Variants in LHFPL3 observed in about 807,000 individuals in gnomAD.
The protein encoded by LHFPL3 is LHFPL tetraspan subfamily member 3, also known as LHFPL tetraspan subfamily member 3 protein.
A neutral mutation model predicts 19.3 loss-of-function variants in LHFPL3; 5 were observed. That is an observed-to-expected ratio of 0.26 (90% confidence interval 0.14 to 0.54). LHFPL3 has a LOEUF of 0.54. LHFPL3 is among the 20% of genes least tolerant of loss of function. The probability of loss-of-function intolerance (pLI) is 0.94; values close to 1 mark genes in which losing one functional copy is unlikely to be tolerated. For missense variants in LHFPL3, 249 were observed against 307.4 expected (o/e 0.81, Z 1.42); for synonymous variants, 133 against 126.2 (o/e 1.05, Z -0.36).
intron 1 of LHFPL3, among the ~76,000 whole-genome samples, chr7:104,720,517 C>T (rs533466712): frequency 1.3e-5 from 2 of 152,268 alleles, no homozygotes; most frequent in African/African-American, 2.4e-5. Flanking sequence ...AAAGCAATGG[C>T]AACAAAAACC....
intron 2 of LHFPL3, among the ~76,000 whole-genome samples, chr7:104,841,493 G>GGT (rs66894221): frequency 1.6e-4 from 23 of 140,940 alleles, no homozygotes; most frequent in African/African-American, 6.1e-4. Context: ...CATTATGTGG[G>GGT]GTGTGTGTGT....
At chr7:104,818,506 T>A (rs1300076882) in intron 2 of LHFPL3, among the ~76,000 whole-genome samples, 1 of 152,054 alleles carries the variant, frequency 6.6e-6, no homozygotes, top group Non-Finnish European at 1.5e-5. Context: ...GTGCCAAATA[T>A]CTATCTTCTT....
At chr7:104,585,402 C>A (rs900436774) in intron 1 of LHFPL3, among the ~76,000 whole-genome samples, 1 of 151,898 alleles carries the variant, frequency 6.6e-6, no homozygotes, top group Non-Finnish European at 1.5e-5. Flanking sequence ...CCCCTCATCA[C>A]TTTTATCCAC....
chr7:104,422,964 G>A (rs80345777), intron 1 of LHFPL3, among the ~76,000 whole-genome samples: 4,452 of 152,230 alleles, frequency 0.029, 223 homozygotes, highest in East Asian at 0.16. Context: ...CATTGAACAG[G>A]TAATTATTGA....
chr7:104,621,031 A>G (rs1435577413), intron 1 of LHFPL3, among the ~76,000 whole-genome samples: 4 of 152,180 alleles, frequency 2.6e-5, no homozygotes, highest in African/African-American at 4.8e-5. Flanking sequence ...CATTTGTCCA[A>G]TACATTTTCT....
intron 1 of LHFPL3, among the ~76,000 whole-genome samples, chr7:104,375,975 C>A (rs527952916): frequency 6.6e-6 from 1 of 152,294 alleles, no homozygotes; most frequent in African/African-American, 2.4e-5. Context: ...TGGGTTCTAC[C>A]TTTAGACTAC....
chr7:104,783,415 A>G (rs1584532072), intron 2 of LHFPL3, among the ~76,000 whole-genome samples: 2 of 152,320 alleles, frequency 1.3e-5, no homozygotes, highest in Middle Eastern at 3.4e-3. Context: ...TGACTGCTGA[A>G]TCCCCAGCAT....
At chr7:104,790,477 G>GA (rs1790004557) in intron 2 of LHFPL3, among the ~76,000 whole-genome samples, 1 of 151,846 alleles carries the variant, frequency 6.6e-6, no homozygotes, top group Non-Finnish European at 1.5e-5. Flanking sequence ...CTTTTTTTTG[G>GA]TACCATCCAG....
Position 104,595,562 on chromosome 7 carries a change from A to G in LHFPL3, c.446-141113A>G, listed in dbSNP as rs150145709. Among the ~76,000 whole-genome samples, 1,501 of 152,334 alleles carry G rather than the reference A, an allele frequency of 9.9e-3. 28 individuals carry two copies. The highest frequency in any genetic ancestry group is 0.035 in the African/African-American group (1,445 of 41,576). ...CAGTCTTTCCGTTCTCAGAGCTCAA[A>G]CACAGTGCTGGGAGAACCACTGCTC... is the stretch of plus-strand genomic sequence containing the variant. On this transcript the variant is annotated intron_variant, in intron 1 of 2. Coordinates refer to ENST00000424859, the MANE Select transcript of LHFPL3 (RefSeq NM_199000.3).
intron 2 of LHFPL3, among the ~76,000 whole-genome samples, chr7:104,829,817 A>G (rs1790914156): frequency 6.6e-6 from 1 of 151,994 alleles, no homozygotes; most frequent in Non-Finnish European, 1.5e-5. Flanking sequence ...TCATAGCAGC[A>G]TGATTTATAA....
chr7:104,796,618 G>A (rs1328550791), intron 2 of LHFPL3: 1 of 152,456 alleles, frequency 6.6e-6, no homozygotes, highest in Non-Finnish European at 1.5e-5. Flanking sequence ...AATCAGGCAG[G>A]AAGGACATGA....
chr7:104,872,825 T>A (rs949099295), intron 2 of LHFPL3, among the ~76,000 whole-genome samples: 5 of 152,152 alleles, frequency 3.3e-5, no homozygotes, highest in African/African-American at 1.2e-4. Flanking sequence ...TACAGTTAAC[T>A]TTTTTTCAGT....
intron 1 of LHFPL3, among the ~76,000 whole-genome samples, chr7:104,632,746 A>G (rs1791665956): frequency 1.3e-5 from 2 of 152,210 alleles, no homozygotes; most frequent in African/African-American, 4.8e-5. Context: ...TCCCAAGCTC[A>G]GGTGATCCTC....
intron 1 of LHFPL3, among the ~76,000 whole-genome samples, chr7:104,607,192 G>A (rs1791119225): frequency 6.6e-6 from 1 of 152,188 alleles, no homozygotes; most frequent in South Asian, 2.1e-4. Context: ...TCCTTGCTTT[G>A]AGGTTAAATT....
chr7:104,762,051 T>A (rs1239506401), intron 2 of LHFPL3, among the ~76,000 whole-genome samples: 1 of 152,198 alleles, frequency 6.6e-6, no homozygotes, highest in Non-Finnish European at 1.5e-5. Flanking sequence ...TCTGATTCAG[T>A]AGATTCTGCA....
At chr7:104,713,757 C>T (rs541733174) in intron 1 of LHFPL3, among the ~76,000 whole-genome samples, 147 of 152,236 alleles carry the variant, frequency 9.7e-4, no homozygotes, top group Middle Eastern at 6.8e-3. Flanking sequence ...ATCAGCATTC[C>T]CAGCCTCGAT....
chr7:104,723,558 C>T (rs999638715), intron 1 of LHFPL3, among the ~76,000 whole-genome samples: 1 of 151,488 alleles, frequency 6.6e-6, no homozygotes, highest in Non-Finnish European at 1.5e-5. Context: ...CCTGTCTCTA[C>T]GAAAAATACA....
intron 1 of LHFPL3, among the ~76,000 whole-genome samples, chr7:104,392,930 C>T (rs1046584828): frequency 2.6e-5 from 4 of 152,020 alleles, no homozygotes; most frequent in East Asian, 1.9e-4. Context: ...GTGTATGTGT[C>T]CAGGAATTTA....
chr7:104,706,367 C>T (rs576038026), intron 1 of LHFPL3, among the ~76,000 whole-genome samples: 3 of 152,200 alleles, frequency 2.0e-5, no homozygotes, highest in African/African-American at 7.2e-5. Context: ...TAGCTCTGGC[C>T]GATGACTCAG....
Sources: allele counts gnomAD v4.1 joint callset (sites outside exome capture counted in the v4.1 genomes callset), GRCh38; gene constraint gnomAD v4.1.1; transcripts MANE v1.5; gene names NCBI Gene and HGNC (gene_info 2026-07-23, HGNC 2026-07-21).